The following DIS3L2 variants were observed in gnomAD, a reference collection of about 807,000 sequenced individuals.
DIS3L2 encodes the protein DIS3 like 3'-5' exoribonuclease 2, also known as DIS3-like exonuclease 2.
A neutral mutation model predicts 97.5 loss-of-function variants in DIS3L2; 34 were observed. The observed-to-expected ratio is 0.35, with a 90% CI of 0.27 to 0.46. The LOEUF is 0.46. DIS3L2 is among the 20% of genes least tolerant of loss of function. The pLI is 1.00. For synonymous variants in DIS3L2, 435 were observed against 445.2 expected, an observed-to-expected ratio of 0.98 and a Z score of 0.29; for missense variants, 1,038 against 1,146.0, an observed-to-expected ratio of 0.91 and a Z score of 1.36.
intron 11 of DIS3L2, among the ~76,000 whole-genome samples, chr2:232,248,673 T>C (rs1040302893): frequency 3.9e-5 from 6 of 152,360 alleles, no homozygotes; most frequent in African/African-American, 1.4e-4. Flanking sequence ...AACTAGTTGA[T>C]CACAATGTTT....
chr2:232,237,212 T>C (rs1457678876), intron 10 of DIS3L2, among the ~76,000 whole-genome samples: 2 of 152,220 alleles, frequency 1.3e-5, no homozygotes, highest in Non-Finnish European at 1.5e-5. Flanking sequence ...ATTTACAGTA[T>C]GTTCAAGAAT....
rs1321658437 is a variant in DIS3L2, at chr2:232,336,992, C to T, written c.*362C>T. The T allele has an allele frequency of 3.5e-5, 39 of 1,103,828 alleles. 1 individual carries two copies. The highest frequency in any genetic ancestry group is 8.5e-5 in the African/African-American group (5 of 58,730). 68.4% of individuals were successfully genotyped at this position (1,103,828 alleles called of 1,614,324 possible). A position where few individuals can be genotyped will look rare whatever the true frequency, so the allele number is the denominator to read the frequency against. ...GTGGAGTGCCATCTGGTGTGTAGGG[C>T]GCCTCTGGGAAGCCTGGGCAGCAGA... On this transcript the variant is annotated 3_prime_UTR_variant, in exon 21 of 21. Transcript: ENST00000325385.
intron 5 of DIS3L2, among the ~76,000 whole-genome samples, chr2:232,042,605 C>CT (rs951256588): frequency 6.6e-6 from 1 of 152,276 alleles, no homozygotes. Context: ...TAACAGTCAT[C>CT]TTTTTTCTTC....
At chr2:232,042,540 A>G (rs1436341425) in intron 5 of DIS3L2, among the ~76,000 whole-genome samples, 3 of 152,160 alleles carry the variant, frequency 2.0e-5, no homozygotes, top group Non-Finnish European at 2.9e-5. Flanking sequence ...TAGGTAAGGT[A>G]TATCCACTAA....
intron 12 of DIS3L2, among the ~76,000 whole-genome samples, chr2:232,252,728 C>T (rs1018743657): frequency 6.6e-6 from 1 of 152,114 alleles, no homozygotes; most frequent in East Asian, 1.9e-4. Context: ...TATTGAAACC[C>T]TGTCTCTACT....
In DIS3L2 at chr2:232,268,412, G is replaced by C. The variant is rs1179078311; in HGVS notation, c.1659+4972G>C. On this transcript the variant is annotated intron_variant, in intron 13 of 20. Transcript: ENST00000325385. The surrounding 1 kb of genome is among the most constrained non-coding windows in gnomAD (Gnocchi z 4.1). ...ATGCTGTTATGTATGACCTTGACCT[G>C]TTCCAGCCTTTAAGGCAGGGATTGA... 2.6e-5 allele frequency among the ~76,000 whole-genome samples: 4 copies of C among 152,116 alleles called. No homozygotes were observed. The highest frequency in any genetic ancestry group is 4.4e-5 in the Non-Finnish European group (3 of 68,028).
intron 9 of DIS3L2, among the ~76,000 whole-genome samples, chr2:232,174,264 A>G (rs1691081435): frequency 6.6e-6 from 1 of 152,038 alleles, no homozygotes; most frequent in African/African-American, 2.4e-5. Context: ...ATATTTATAT[A>G]TATATCTGGT....
At chr2:231,997,686 A>G (rs1393033251) in intron 1 of DIS3L2, among the ~76,000 whole-genome samples, 1 of 152,202 alleles carries the variant, frequency 6.6e-6, no homozygotes, top group African/African-American at 2.4e-5. Flanking sequence ...AGACCGATAA[A>G]AGAGACGAGA....
At position 232,163,440 on chromosome 2, in the gene DIS3L2, G is replaced by A. The variant is rs749961305; in HGVS notation, c.951-19G>A. On this transcript the variant is annotated intron_variant, in intron 8 of 20. Coordinates refer to ENST00000325385, the MANE Select transcript of DIS3L2 (RefSeq NM_152383.5). Reference sequence around the variant, plus strand: ...ATTTGTTTGCTAACCCAGTTATTCCGTTTCTGTTCTATCCATAGGCAGCTG... The same window carrying A: ...ATTTGTTTGCTAACCCAGTTATTCCATTTCTGTTCTATCCATAGGCAGCTG... 8.7e-6 allele frequency: 14 copies of A among 1,608,152 alleles called. No individual in the cohort carries two copies. Among genetic ancestry groups the A allele is most frequent in the South Asian group, 5.6e-5 (5 of 89,984 alleles).
At chr2:232,172,719 G>T (rs1455042227) in intron 9 of DIS3L2, 1 of 534,140 alleles carries the variant, frequency 1.9e-6, no homozygotes, top group African/African-American at 1.9e-5. Context: ...TTTCAAAGTA[G>T]CTGTACCATT....
chr2:232,062,113 C>T (rs2106276691), intron 5 of DIS3L2, among the ~76,000 whole-genome samples: 1 of 152,284 alleles, frequency 6.6e-6, no homozygotes, highest in African/African-American at 2.4e-5. Context: ...TGGGGGGCCG[C>T]TATGCCGAGA....
chr2:232,109,323 C>T (rs1697453572), intron 6 of DIS3L2, among the ~76,000 whole-genome samples: 1 of 152,070 alleles, frequency 6.6e-6, no homozygotes, highest in African/African-American at 2.4e-5. Flanking sequence ...CATCTGTAAT[C>T]TCAGTTACTC....
intron 10 of DIS3L2, among the ~76,000 whole-genome samples, chr2:232,236,720 T>C (rs1209880700): frequency 1.3e-5 from 2 of 152,184 alleles, no homozygotes; most frequent in Non-Finnish European, 2.9e-5. Context: ...CTCTGCCCAT[T>C]GTATATCTTT....
intron 5 of DIS3L2, among the ~76,000 whole-genome samples, chr2:232,048,455 G>A (rs1026939265): frequency 1.3e-5 from 2 of 152,130 alleles, no homozygotes; most frequent in Admixed American, 6.5e-5. Context: ...GTTGTAGGCC[G>A]GGCGCGGTGG....
At chr2:232,025,820 C>T (rs1338359892) in intron 4 of DIS3L2, among the ~76,000 whole-genome samples, 1 of 152,080 alleles carries the variant, frequency 6.6e-6, no homozygotes, top group Non-Finnish European at 1.5e-5. Context: ...TCCTGCATAA[C>T]CAATGTTTTT....
rs1698424966 is a variant in DIS3L2, at chr2:232,138,603, T to C, written c.950+1884T>C. On this transcript the variant is annotated intron_variant, in intron 8 of 20. Coordinates refer to ENST00000325385, the MANE Select transcript of DIS3L2 (RefSeq NM_152383.5). Reference sequence around the variant, plus strand: ...TGGTCGCCTTGCCATTTTGTTCTGGTTATCCGTTACTGATCTTTAAGAACT... The same window carrying C: ...TGGTCGCCTTGCCATTTTGTTCTGGCTATCCGTTACTGATCTTTAAGAACT... Among the ~76,000 whole-genome samples, 3 of 152,300 alleles carry C rather than the reference T, an allele frequency of 2.0e-5. No individual in the cohort carries two copies. In the South Asian group the frequency reaches 6.2e-4, roughly 32 times the overall value.
At chr2:232,060,652 C>T (rs1377183787) in intron 5 of DIS3L2, among the ~76,000 whole-genome samples, 1 of 152,004 alleles carries the variant, frequency 6.6e-6, no homozygotes, top group Non-Finnish European at 1.5e-5. Context: ...TCTTTTATGG[C>T]TTCATATAAA....
chr2:232,003,917 A>T (rs985398750), intron 1 of DIS3L2, among the ~76,000 whole-genome samples: 1 of 152,186 alleles, frequency 6.6e-6, no homozygotes, highest in Non-Finnish European at 1.5e-5. Flanking sequence ...TTATGATGAT[A>T]TAGATATAAT....
In DIS3L2 at chr2:232,086,561, T is replaced by C. The variant is rs548867260; in HGVS notation, c.367-926T>C. ...ATTAGTGGCAGAAATAAATACATAA[T>C]AGAAACTAAAGGCCTGAGCCTTTAA... On this transcript the variant is annotated intron_variant, in intron 5 of 20. Transcript: ENST00000325385. 5.2e-4 allele frequency among the ~76,000 whole-genome samples: 72 copies of C among 139,750 alleles called. 1 individual carries two copies. Among genetic ancestry groups the C allele is most frequent in the South Asian group, 2.9e-3 (13 of 4,542 alleles). The allele number at this position is 139,750 out of a possible 152,430, so 91.7% of individuals were successfully genotyped here.
Sources: gnomAD v4.1 joint callset for allele counts (sites outside exome capture counted in the v4.1 genomes callset) on GRCh38, gnomAD v4.1.1 for gene constraint, Gnocchi (gnomAD v3.1) non-coding constraint, MANE v1.5 for transcripts, NCBI Gene and HGNC (gene_info 2026-07-23, HGNC 2026-07-21) for gene names.